LACTB2: variants seen among roughly 807,000 people sequenced by gnomAD.
The protein encoded by LACTB2 is lactamase beta 2, also known as endoribonuclease LACTB2.
In LACTB2, 32 loss-of-function variants were observed where a neutral mutation model predicts 34.8. The ratio of observed to expected loss-of-function variants is 0.92; its 90% CI spans 0.69 to 1.24. The LOEUF (loss-of-function observed/expected upper bound fraction) is 1.24, where lower values mean the gene tolerates loss of function less well. Among genes scored for constraint, LACTB2 ranks in the 50% most tolerant of loss-of-function variants. The pLI, the probability that LACTB2 is intolerant of heterozygous loss-of-function variation, is 0.00. For synonymous variants in LACTB2, 120 were observed against 117.5 expected, an observed-to-expected ratio of 1.02 and a Z score of -0.14; for missense variants, 320 against 345.0, an observed-to-expected ratio of 0.93 and a Z score of 0.57.
chr8:70,662,125 C>T, intron 1 of LACTB2: 1 of 363,572 alleles, frequency 2.8e-6, no homozygotes, highest in Non-Finnish European at 5.0e-6. Flanking sequence ...TAATAGCAGT[C>T]ATCTTGAACA....
chr8:70,643,236 TTTTTTG>T (rs1818222535), intron 4 of LACTB2, among the ~76,000 whole-genome samples: 1 of 48,180 alleles, frequency 2.1e-5, no homozygotes, highest in Admixed American at 1.9e-4. Flanking sequence ...TTTTTTTTTT[TTTTTTG>T]AGACAGAGTT....
At chr8:70,640,673 CA>C (rs1396394428) in intron 5 of LACTB2, 1 of 300,164 alleles carries the variant, frequency 3.3e-6, no homozygotes, top group African/African-American at 2.2e-5. Flanking sequence ...GTTTCTCCTA[CA>C]TAGTTAAGTA....
intron 3 of LACTB2, among the ~76,000 whole-genome samples, chr8:70,645,438 T>C (rs187134026): frequency 1.1e-3 from 164 of 152,278 alleles, no homozygotes; most frequent in African/African-American, 3.6e-3. Flanking sequence ...GTAGTTATTA[T>C]CTAAAAGCTT....
chr8:70,660,186 T>G (rs1290350217), intron 2 of LACTB2: 1 of 160,996 alleles, frequency 6.2e-6, no homozygotes, highest in East Asian at 1.8e-4. Flanking sequence ...ACTGCTGGGC[T>G]CAAACTATCG....
At chr8:70,638,444 A>G in intron 6 of LACTB2, 104 bp downstream of exon 6, 1 of 1,229,420 alleles carries the variant, frequency 8.1e-7, no homozygotes, top group Non-Finnish European at 1.1e-6. Context: ...AGTGATATTC[A>G]TGGGAGAACT....
intron 5 of LACTB2, 62 bp downstream of exon 5, chr8:70,640,839 TC>T: frequency 7.1e-7 from 1 of 1,408,126 alleles, no homozygotes; most frequent in Non-Finnish European, 9.4e-7. Context: ...ATTTCTATAG[TC>T]TACTAAATAG....
At chr8:70,655,568 A>G (rs920022116) in intron 3 of LACTB2, among the ~76,000 whole-genome samples, 3 of 152,060 alleles carry the variant, frequency 2.0e-5, no homozygotes, top group Admixed American at 6.6e-5. Flanking sequence ...CATCATATAT[A>G]TATACCACAG....
intron 3 of LACTB2, chr8:70,654,560 T>C (rs1316197439): frequency 6.6e-6 from 1 of 152,218 alleles, no homozygotes; most frequent in African/African-American, 2.4e-5. Flanking sequence ...TCTGTGTGTA[T>C]TTACCTATTT....
Position 70,669,052 on chromosome 8 carries a change from C to T in LACTB2, c.69G>A (p.Pro23=). 1 of 1,611,614 alleles carries T rather than the reference C, an allele frequency of 6.2e-7. No homozygotes were observed. Among genetic ancestry groups the T allele is most frequent in the Non-Finnish European group, 8.5e-7 (1 of 1,179,160 alleles). ...NRVVRVLGCN[P]GPMTLQGTNT... is the part of the protein sequence containing the mutation. ...TGGTGCCTTGGAGGGTCATGGGACCCGGGTTACAGCCCAACACACGCACGA... is the reference window on the plus strand; with the variant it reads ...TGGTGCCTTGGAGGGTCATGGGACCTGGGTTACAGCCCAACACACGCACGA... The change falls in exon 1 of 7, where the codon CCG becomes CCA. Residue 23 remains proline (P), a synonymous_variant. Transcript: ENST00000276590.
At chr8:70,643,920 G>T in intron 4 of LACTB2, 145 bp downstream of exon 4, 3 of 662,884 alleles carry the variant, frequency 4.5e-6, no homozygotes, top group Non-Finnish European at 6.5e-6. Flanking sequence ...TACCCACTTT[G>T]GCATGCCTGT....
At chr8:70,667,179 C>A (rs1454694995) in intron 1 of LACTB2, among the ~76,000 whole-genome samples, 1 of 152,116 alleles carries the variant, frequency 6.6e-6, no homozygotes, top group Non-Finnish European at 1.5e-5. Flanking sequence ...AATAGGAAAC[C>A]TGAAGAATGT....
At chr8:70,640,715 A>G (rs937671531) in intron 5 of LACTB2, 187 bp downstream of exon 5, 1 of 548,792 alleles carries the variant, frequency 1.8e-6, no homozygotes, top group African/African-American at 2.0e-5. Flanking sequence ...CGAAATGGCT[A>G]TCTTTGTTCT....
At chr8:70,649,472 C>T (rs141526416) in intron 3 of LACTB2, among the ~76,000 whole-genome samples, 12 of 152,242 alleles carry the variant, frequency 7.9e-5, no homozygotes, top group Middle Eastern at 3.4e-3. Flanking sequence ...AAAGCAAAAA[C>T]AATGACTAAC....
At chr8:70,667,954 T>C (rs992765733) in intron 1 of LACTB2, among the ~76,000 whole-genome samples, 1 of 152,222 alleles carries the variant, frequency 6.6e-6, no homozygotes, top group Non-Finnish European at 1.5e-5. Flanking sequence ...GACTGTACCC[T>C]AGAGATCTGG....
At chr8:70,664,375 G>A (rs1818514591) in intron 1 of LACTB2, among the ~76,000 whole-genome samples, 1 of 152,172 alleles carries the variant, frequency 6.6e-6, no homozygotes, top group Admixed American at 6.5e-5. Context: ...AAAATTAACA[G>A]GGTTGATACA....
intron 3 of LACTB2, chr8:70,652,810 C>A (rs1365405588): frequency 2.0e-5 from 3 of 152,152 alleles, no homozygotes; most frequent in African/African-American, 7.2e-5. Flanking sequence ...AAAAAAATGA[C>A]CTGTTCCACC....
chr8:70,651,440 CAT>C (rs917042861), intron 3 of LACTB2, among the ~76,000 whole-genome samples: 27 of 152,204 alleles, frequency 1.8e-4, no homozygotes, highest in African/African-American at 6.0e-4. Context: ...ACTATATAAA[CAT>C]GTGTCTTTGT....
intron 3 of LACTB2, among the ~76,000 whole-genome samples, chr8:70,656,332 C>T (rs183174141): frequency 1.4e-4 from 21 of 152,260 alleles, no homozygotes; most frequent in Middle Eastern, 3.4e-3. Context: ...GGTTTAAGTC[C>T]TTAATCCATC....
intron 3 of LACTB2, among the ~76,000 whole-genome samples, chr8:70,650,228 TA>T (rs1408030489): frequency 6.6e-6 from 1 of 152,136 alleles, no homozygotes; most frequent in Non-Finnish European, 1.5e-5. Context: ...AACCTTATAT[TA>T]AAAAATAATC....
Sources: gnomAD v4.1 joint callset for allele counts (sites outside exome capture counted in the v4.1 genomes callset) on GRCh38, gnomAD v4.1.1 for gene constraint, MANE v1.5 for transcripts, NCBI Gene and HGNC (gene_info 2026-07-23, HGNC 2026-07-21) for gene names.